NFKBIZ: variants seen among roughly 807,000 people sequenced by gnomAD.
NFKBIZ encodes NFKB inhibitor zeta, also known as NF-kappa-B inhibitor zeta.
Under a neutral mutation model 76.8 loss-of-function variants are expected in NFKBIZ, and 19 were observed. That is an observed-to-expected ratio of 0.25 (90% CI 0.17 to 0.36). NFKBIZ has a LOEUF of 0.36. NFKBIZ is among the 10% of genes least tolerant of loss of function. The pLI, the probability that NFKBIZ is intolerant of heterozygous loss-of-function variation, is 1.00. For missense variants in NFKBIZ, 829 were observed against 910.9 expected (o/e 0.91, Z 1.16); for synonymous variants, 368 against 354.8 (o/e 1.04, Z -0.42).
At chr3:101,841,448 C>T (rs115510285) in intron 2 of NFKBIZ, among the ~76,000 whole-genome samples, 1 of 152,264 alleles carries the variant, frequency 6.6e-6, no homozygotes, top group African/African-American at 2.4e-5. Flanking sequence ...ATAAGCTCCA[C>T]AAAGACAGAG....
chr3:101,837,503 AAAAAAG>A (rs1942736806), intron 2 of NFKBIZ, among the ~76,000 whole-genome samples: 1 of 151,746 alleles, frequency 6.6e-6, no homozygotes, highest in Non-Finnish European at 1.5e-5. Flanking sequence ...AAAAAAAAAA[AAAAAAG>A]AAAAGAAAAA....
intron 2 of NFKBIZ, among the ~76,000 whole-genome samples, chr3:101,844,407 A>G (rs1438747346): frequency 1.3e-5 from 2 of 152,184 alleles, no homozygotes; most frequent in African/African-American, 4.8e-5. Flanking sequence ...TACAATGATT[A>G]CTAGTTCATT....
intron 1 of NFKBIZ, among the ~76,000 whole-genome samples, chr3:101,851,155 G>A (rs924460242): frequency 5.3e-5 from 8 of 152,158 alleles, no homozygotes; most frequent in East Asian, 1.9e-4. Flanking sequence ...CAAATTATGC[G>A]TTGTTTCTTG....
chr3:101,857,289 C>T lies in NFKBIZ; in HGVS notation c.1936-3C>T. On this transcript the variant is annotated splice_region_variant and splice_polypyrimidine_tract_variant and intron_variant, in intron 10 of 11. Coordinates refer to ENST00000326172, the MANE Select transcript of NFKBIZ (RefSeq NM_031419.4). ...GTCTGATAATTCATTTCTTTGTCTTCAGGCTTACAATGGCAACACTGCCCT... is the reference window on the plus strand; with the variant it reads ...GTCTGATAATTCATTTCTTTGTCTTTAGGCTTACAATGGCAACACTGCCCT... The T allele has an allele frequency of 6.2e-7, 1 of 1,614,102 alleles. No individual in the cohort carries two copies. The highest frequency in any genetic ancestry group is 8.5e-7 in the Non-Finnish European group (1 of 1,180,004).
rs186417673 is a variant in NFKBIZ, at chr3:101,850,628, T to C, written c.289+711T>C. On this transcript the variant is annotated intron_variant, in intron 1 of 11. Coordinates refer to ENST00000326172, the MANE Select transcript of NFKBIZ (RefSeq NM_031419.4). ...TTCTTAGTGAACCGAGTTGCATAATTTGGGGGAAAACAGGATGCCCCTGTG... is the reference window on the plus strand; with the variant it reads ...TTCTTAGTGAACCGAGTTGCATAATCTGGGGGAAAACAGGATGCCCCTGTG... 2.5e-3 allele frequency among the ~76,000 whole-genome samples: 384 copies of C among 152,310 alleles called. 2 individuals are homozygous for C. The highest frequency in any genetic ancestry group is 4.2e-3 in the Non-Finnish European group (289 of 68,028).
chr3:101,839,989 CAAA>C (rs1366688096), intron 2 of NFKBIZ, among the ~76,000 whole-genome samples: 2 of 151,400 alleles, frequency 1.3e-5, no homozygotes, highest in South Asian at 2.1e-4. Context: ...AAGAGTGTCA[CAAA>C]GAAGAATGGA....
At chr3:101,852,305 AG>A in intron 2 of NFKBIZ, 81 bp downstream of exon 2, 1 of 1,485,488 alleles carries the variant, frequency 6.7e-7, no homozygotes, top group Non-Finnish European at 9.1e-7. Flanking sequence ...ACCTAGGTCC[AG>A]TCATCAAGTA....
rs201022850 is a variant in NFKBIZ at position 101,853,838 on chromosome 3, C to A, written c.1312C>A (p.Leu438Ile). Residue 438 changes from leucine (L) to isoleucine (I), a missense_variant, in exon 5 of 12, where the codon CTT becomes ATT. Around this residue, in one of 4 missense-constraint regions of NFKBIZ, gnomAD observed 272 missense variants for 384.2 expected, o/e 0.71. Coordinates refer to ENST00000326172, the MANE Select transcript of NFKBIZ (RefSeq NM_031419.4). ...GGCAAATATTTCCCAAGACCAGTTTCTTTCAAAGGATGCAGATGGTGACAC... is the reference window on the plus strand; with the variant it reads ...GGCAAATATTTCCCAAGACCAGTTTATTTCAAAGGATGCAGATGGTGACAC... ...KLANISQDQF[L>I]SKDADGDTFL... 17 of 1,613,070 alleles carry A rather than the reference C, an allele frequency of 1.1e-5. No homozygotes were observed. The highest frequency in any genetic ancestry group is 1.4e-5 in the Non-Finnish European group (17 of 1,179,972).
intron 5 of NFKBIZ, among the ~76,000 whole-genome samples, chr3:101,854,189 A>T (rs150574816): frequency 6.6e-6 from 1 of 152,190 alleles, no homozygotes; most frequent in African/African-American, 2.4e-5. Flanking sequence ...ATAAACTGTG[A>T]GTTGGTTTGT....
rs1445990538 is a variant in NFKBIZ, at chr3:101,859,573, T to A, written c.*202T>A. ...ATTTCTCTTGGCAGATTTGCATATT[T>A]CATACCCAGGTATCTGGGATCTAGA... is the stretch of plus-strand genomic sequence containing the variant. On this transcript the variant is annotated 3_prime_UTR_variant, in exon 12 of 12. Coordinates refer to ENST00000326172, the MANE Select transcript of NFKBIZ (RefSeq NM_031419.4). 9.9e-6 allele frequency: 4 copies of A among 403,840 alleles called. No homozygotes were observed. Among genetic ancestry groups the A allele is most frequent in the Non-Finnish European group, 1.8e-5 (4 of 219,816 alleles). 25.0% of individuals were successfully genotyped at this position (403,840 alleles called of 1,614,324 possible).
upstream of NFKBIZ, among the ~76,000 whole-genome samples, chr3:101,848,153 C>G (rs1046088402): frequency 6.6e-6 from 1 of 152,220 alleles, no homozygotes; most frequent in East Asian, 1.9e-4. Context: ...CATCTTCTCT[C>G]AACTGCTTGC....
intron 2 of NFKBIZ, among the ~76,000 whole-genome samples, chr3:101,834,161 G>A (rs941261040): frequency 6.6e-6 from 1 of 152,078 alleles, no homozygotes; most frequent in Non-Finnish European, 1.5e-5. Context: ...AGAATGTGAA[G>A]GTTAAAATCA....
rs1471772376 is a variant in NFKBIZ at position 101,828,186 on chromosome 3, T to C, written c.-88+2T>C. On this transcript the variant is annotated splice_donor_variant, in intron 1 of 12. Coordinates refer to the NFKBIZ transcript ENST00000394054. LOFTEE classifies it low-confidence loss of function (5UTR_SPLICE). ...TGACTTGACTCTTCAAACACAAAGG[T>C]ATATTTTTATTATCTGATATTTTAT... is the stretch of plus-strand genomic sequence containing the variant. 6.6e-6 allele frequency: 1 copy of C among 152,234 alleles called. No homozygotes were observed. Among genetic ancestry groups the C allele is most frequent in the African/African-American group, 2.4e-5 (1 of 41,444 alleles). 9.4% of individuals were successfully genotyped at this position (152,234 alleles called of 1,614,324 possible).
intron 9 of NFKBIZ, 125 bp downstream of exon 9, chr3:101,856,027 A>G (rs564211585): frequency 2.3e-6 from 2 of 857,354 alleles, no homozygotes; most frequent in South Asian, 2.3e-5. Context: ...TGTGAGTAGC[A>G]ATGTATGGGT....
chr3:101,843,871 C>G (rs1942817663), intron 2 of NFKBIZ, among the ~76,000 whole-genome samples: 2 of 152,216 alleles, frequency 1.3e-5, no homozygotes, highest in African/African-American at 4.8e-5. Flanking sequence ...CGCATCATCA[C>G]TGGGCTCATC....
chr3:101,837,802 C>T (rs1337297418), intron 2 of NFKBIZ, among the ~76,000 whole-genome samples: 1 of 152,120 alleles, frequency 6.6e-6, no homozygotes, highest in Non-Finnish European at 1.5e-5. Flanking sequence ...GGACACTCTG[C>T]AGGGCAACAG....
In NFKBIZ at chr3:101,854,611, G is replaced by A. The variant is rs1943021533; in HGVS notation, c.1371G>A (p.Arg457=). 6.2e-7 allele frequency: 1 copy of A among 1,613,720 alleles called. No homozygotes were observed. Among genetic ancestry groups the A allele is most frequent in the Non-Finnish European group, 8.5e-7 (1 of 1,179,856 alleles). ...ATATTGCTGTTGCCCAAGGGAGAAG[G>A]GCACTTTCCTATGTTCTTGCAAGAA... The part of the protein sequence containing the change: ...FLHIAVAQGR[R]ALSYVLARKM... Residue 457 remains arginine (R), a synonymous_variant, in exon 6 of 12, where the codon AGG becomes AGA. Transcript: ENST00000326172.
upstream of NFKBIZ, among the ~76,000 whole-genome samples, chr3:101,848,313 G>A (rs556958517): frequency 7.8e-4 from 118 of 152,174 alleles, no homozygotes; most frequent in African/African-American, 2.7e-3. Flanking sequence ...TCGTAAAAGG[G>A]GACTATACAC....
intron 2 of NFKBIZ, 46 bp downstream of exon 2, chr3:101,852,270 T>C (rs1279944622): frequency 5.6e-6 from 9 of 1,599,218 alleles, no homozygotes; most frequent in Non-Finnish European, 7.7e-6. Context: ...GGGAGAGGGG[T>C]TAGTCTGTCA....
Sources: gnomAD v4.1 joint callset for allele counts (sites outside exome capture counted in the v4.1 genomes callset) on GRCh38, gnomAD v4.1.1 for gene constraint, gnomAD v4.1.1 regional missense constraint, MANE v1.5 for transcripts, NCBI Gene and HGNC (gene_info 2026-07-23, HGNC 2026-07-21) for gene names.